BBS2: variants seen among roughly 807,000 people sequenced by gnomAD.
BBS2 encodes the protein Bardet-Biedl syndrome 2, also known as BBSome complex member BBS2.
BBS2 carries 62 observed loss-of-function variants against 83.0 expected under a neutral mutation model. The observed-to-expected ratio is 0.75, with a 90% CI of 0.61 to 0.92. The LOEUF (loss-of-function observed/expected upper bound fraction) is 0.92, where lower values mean the gene tolerates loss of function less well. BBS2 is among the 40% of genes least tolerant of loss of function. The pLI is 0.00. For missense variants in BBS2, 784 were observed against 901.0 expected, an observed-to-expected ratio of 0.87 and a Z score of 1.66; for synonymous variants, 303 against 326.1, an observed-to-expected ratio of 0.93 and a Z score of 0.76.
chr16:56,470,688 T>C, exon 18 of BBS2: 1 of 1,614,174 alleles, frequency 6.2e-7, no homozygotes, highest in Middle Eastern at 1.6e-4. Context: ...GGACTAGCCA[T>C]AGTCCTCCTG....
intron 17 of BBS2, chr16:56,478,876 C>CTTAGA (rs1963588251): frequency 6.6e-6 from 1 of 152,168 alleles, no homozygotes; most frequent in East Asian, 1.9e-4. Context: ...AGCAGCACCT[C>CTTAGA]TTAGATTGTG....
intron 2 of BBS2, among the ~76,000 whole-genome samples, chr16:56,511,644 G>T (rs552673650): frequency 6.6e-6 from 1 of 152,172 alleles, no homozygotes; most frequent in Admixed American, 6.5e-5. Context: ...GCAGATTTTT[G>T]ACTTGCCAGG....
chr16:56,503,090 C>A (rs950703828), intron 7 of BBS2, among the ~76,000 whole-genome samples: 1 of 152,206 alleles, frequency 6.6e-6, no homozygotes, highest in East Asian at 1.9e-4. Flanking sequence ...AGAGCCAGTA[C>A]ATATAGTACA....
intron 16 of BBS2, 30 bp downstream of exon 16, chr16:56,485,560 C>G: frequency 6.2e-7 from 1 of 1,613,062 alleles, no homozygotes; most frequent in Non-Finnish European, 8.5e-7. Context: ...CATTACAGAT[C>G]AAAGTGCAGT....
At chr16:56,503,234 C>A (rs1230213858) in intron 7 of BBS2, among the ~76,000 whole-genome samples, 3 of 152,106 alleles carry the variant, frequency 2.0e-5, no homozygotes, top group African/African-American at 7.2e-5. Flanking sequence ...ATCTGGGGTT[C>A]AATAACCAGA....
intron 15 of BBS2, among the ~76,000 whole-genome samples, chr16:56,488,190 G>GT (rs1440826688): frequency 6.6e-6 from 1 of 152,114 alleles, no homozygotes; most frequent in Non-Finnish European, 1.5e-5. Flanking sequence ...CTGTGTGGAG[G>GT]TTTTTCCCAC....
chr16:56,503,423 C>T (rs1466242944), intron 7 of BBS2, among the ~76,000 whole-genome samples: 3 of 152,174 alleles, frequency 2.0e-5, no homozygotes, highest in Admixed American at 6.5e-5. Context: ...TCAGAAACTA[C>T]GGAGTTAGCC....
In BBS2 at chr16:56,501,467, C is replaced by G. The variant is rs1360658199; in HGVS notation, c.1111G>C (p.Asp371His). 1 of 1,614,170 alleles carries G rather than the reference C, an allele frequency of 6.2e-7. No homozygotes were observed. The highest frequency in any genetic ancestry group is 8.5e-7 in the Non-Finnish European group (1 of 1,180,026). Residue 371 changes from aspartate to histidine, a missense_variant, in exon 10 of 17, where the codon GAT becomes CAT. Asp to His is a moderately conservative substitution (Grantham distance 81, BLOSUM62 -1). Coordinates refer to ENST00000245157, the MANE Select transcript of BBS2 (RefSeq NM_031885.5). ...AELASPLNEADGHRGIIPANT... is the reference protein window; with the variant it reads ...AELASPLNEAHGHRGIIPANT... ...GCTGGGATTATGCCCCGATGCCCATCAGCCTCGTTCAGTGGACTGGCCAAT... is the reference window on the plus strand; with the variant it reads ...GCTGGGATTATGCCCCGATGCCCATGAGCCTCGTTCAGTGGACTGGCCAAT...
At chr16:56,471,348 C>T (rs543357354) in intron 17 of BBS2, among the ~76,000 whole-genome samples, 1 of 146,396 alleles carries the variant, frequency 6.8e-6, no homozygotes, top group African/African-American at 2.5e-5. Context: ...GGCAACAGAG[C>T]GAGACTACAT....
At chr16:56,496,361 T>C (rs1199859283) in intron 15 of BBS2, among the ~76,000 whole-genome samples, 2 of 152,200 alleles carry the variant, frequency 1.3e-5, no homozygotes, top group Non-Finnish European at 2.9e-5. Flanking sequence ...AGTTTCCCAA[T>C]GTGTTTTTTC....
chr16:56,506,846 G>A (rs1726404556), intron 5 of BBS2, among the ~76,000 whole-genome samples: 1 of 152,152 alleles, frequency 6.6e-6, no homozygotes. Context: ...TCAAGGATTT[G>A]ACATCCTTAA....
At chr16:56,486,163 T>C (rs574889059) in intron 15 of BBS2, among the ~76,000 whole-genome samples, 1 of 152,334 alleles carries the variant, frequency 6.6e-6, no homozygotes, top group South Asian at 2.1e-4. Context: ...AGATCTATAC[T>C]ACACAACAAT....
chr16:56,506,074 C>A (rs1406377088), intron 6 of BBS2, 38 bp from the exon 7 acceptor site: 1 of 1,609,802 alleles, frequency 6.2e-7, no homozygotes, highest in South Asian at 1.1e-5. Context: ...AGAAGTCTCA[C>A]AATAACTATC....
chr16:56,482,398 C>T (rs928133906), downstream of BBS2, among the ~76,000 whole-genome samples: 4 of 152,058 alleles, frequency 2.6e-5, no homozygotes, highest in Non-Finnish European at 5.9e-5. Context: ...TGGAGTCTCC[C>T]TCTGTCACCC....
chr16:56,476,211 C>G, intron 17 of BBS2: 1 of 1,602,614 alleles, frequency 6.2e-7, no homozygotes, highest in South Asian at 1.1e-5. Flanking sequence ...AATGACAGCA[C>G]TGGGCAAAGC....
rs560949586 is a variant in BBS2, at chr16:56,492,578, T to C, written c.1910+4389A>G. Among the ~76,000 whole-genome samples the C allele has an allele frequency of 3.9e-5, 6 of 152,334 alleles. No individual in the cohort carries two copies. The South Asian group carries it at 1.2e-3, about 32-fold the overall frequency. On this transcript the variant is annotated intron_variant, in intron 15 of 16. Coordinates refer to ENST00000245157, the MANE Select transcript of BBS2 (RefSeq NM_031885.5). ...GCTCTAAAGATGTGCTGTACAACAC[T>C]GCACCTATAGTCAACGATAATGTAT...
chr16:56,502,342 A>G lies in BBS2; in HGVS notation c.1055T>C (p.Leu352Pro). Residue 352 changes from leucine to proline, a missense_variant, in exon 9 of 17, where the codon CTC becomes CCC. By Grantham distance (98) the Leu-to-Pro change is moderately conservative (BLOSUM62 -3). Transcript: ENST00000245157. ...CTTGGCATTTTCCTCATAGTTACGGAGTTCCAGCAACAGATTCTGCTTCTT... is the reference window on the plus strand; with the variant it reads ...CTTGGCATTTTCCTCATAGTTACGGGGTTCCAGCAACAGATTCTGCTTCTT... ...SQKKQNLLLE[L>P]RNYEENAKAE... 1 of 1,614,182 alleles carries G rather than the reference A, an allele frequency of 6.2e-7. No individual in the cohort carries two copies. The highest frequency in any genetic ancestry group is 8.5e-7 in the Non-Finnish European group (1 of 1,180,028).
At chr16:56,498,358 C>T in intron 13 of BBS2, 79 bp downstream of exon 13, 2 of 1,542,096 alleles carry the variant, frequency 1.3e-6, no homozygotes, top group South Asian at 2.3e-5. Flanking sequence ...GAAATCTATG[C>T]CCCTCTCATT....
Position 56,501,562 on chromosome 16 carries a change from T to C in BBS2, c.1081-65A>G, listed in dbSNP as rs558974752. ...ACACTGAACTAATATCAATTTTAAA[T>C]AATATTGCTATTCAGCTTCAAAAGA... is the stretch of plus-strand genomic sequence containing the variant. On this transcript the variant is annotated intron_variant, in intron 9 of 16. Coordinates refer to ENST00000245157, the MANE Select transcript of BBS2 (RefSeq NM_031885.5). 2.1e-4 allele frequency: 338 copies of C among 1,597,332 alleles called. 1 individual carries two copies. The highest frequency in any genetic ancestry group is 3.0e-4 in the Admixed American group (18 of 59,962).
Sources: allele counts gnomAD v4.1 joint callset (sites outside exome capture counted in the v4.1 genomes callset), GRCh38; gene constraint gnomAD v4.1.1; transcripts MANE v1.5; gene names NCBI Gene and HGNC (gene_info 2026-07-23, HGNC 2026-07-21).